NLK: variants seen among roughly 807,000 people sequenced by gnomAD.
NLK encodes serine/threonine-protein kinase NLK.
Under a neutral mutation model 59.0 loss-of-function variants are expected in NLK, and 11 were observed. The ratio of observed to expected loss-of-function variants is 0.19; its 90% CI spans 0.12 to 0.31. The LOEUF (loss-of-function observed/expected upper bound fraction) is 0.31, where lower values mean the gene tolerates loss of function less well. Ranked by LOEUF, NLK falls within the 10% of genes least tolerant of loss-of-function variation. The pLI is 1.00. For synonymous variants in NLK, 235 were observed against 235.9 expected, an observed-to-expected ratio of 1.00 and a Z score of 0.03; for missense variants, 410 against 661.1, an observed-to-expected ratio of 0.62 and a Z score of 4.16.
chr17:28,132,748 G>T, intron 3 of NLK, 73 bp downstream of exon 3: 1 of 1,231,768 alleles, frequency 8.1e-7, no homozygotes, highest in Non-Finnish European at 1.2e-6. Flanking sequence ...ACCTTTTGGG[G>T]TTCATGCCTT....
intron 1 of NLK, among the ~76,000 whole-genome samples, chr17:28,122,391 C>G (rs1906103934): frequency 6.6e-6 from 1 of 151,328 alleles, no homozygotes; most frequent in Non-Finnish European, 1.5e-5. Context: ...TTTTTTAAAG[C>G]ATGGCAGATG....
At chr17:28,107,774 T>C (rs1434973132) in intron 1 of NLK, among the ~76,000 whole-genome samples, 2 of 152,198 alleles carry the variant, frequency 1.3e-5, no homozygotes, top group African/African-American at 4.8e-5. Flanking sequence ...ACAATGTTCA[T>C]TGATCTGGGA....
At chr17:28,159,400 T>C (rs921520524) in intron 3 of NLK, among the ~76,000 whole-genome samples, 3 of 152,284 alleles carry the variant, frequency 2.0e-5, no homozygotes, top group South Asian at 2.1e-4. Context: ...AAAGCAAATA[T>C]AGCAAAATAT....
chr17:28,161,080 GTTATTTT>G, intron 3 of NLK, 73 bp from the exon 4 acceptor site: 1 of 761,964 alleles, frequency 1.3e-6, no homozygotes, highest in East Asian at 2.5e-5. Context: ...GAGAATGGAA[GTTATTTT>G]TTAGATCTGG....
chr17:28,200,731 G>A (rs971948709), downstream of NLK, among the ~76,000 whole-genome samples: 4 of 152,216 alleles, frequency 2.6e-5, no homozygotes, highest in Admixed American at 6.5e-5. Flanking sequence ...TGATCCACCC[G>A]CCTTGGCCTC....
intron 1 of NLK, chr17:28,048,772 T>C (rs1192635251): frequency 6.6e-6 from 1 of 152,230 alleles, no homozygotes; most frequent in Admixed American, 6.5e-5. Context: ...TTAGATTTAT[T>C]GATGTCCAAG....
chr17:28,083,922 C>T (rs527943804), intron 1 of NLK, among the ~76,000 whole-genome samples: 1 of 152,206 alleles, frequency 6.6e-6, no homozygotes, highest in Admixed American at 6.5e-5. Context: ...TCCTCAAAAT[C>T]TCACCCCACT....
At chr17:28,061,761 C>T (rs1388211678) in intron 1 of NLK, among the ~76,000 whole-genome samples, 4 of 143,746 alleles carry the variant, frequency 2.8e-5, no homozygotes, top group Admixed American at 7.1e-5. Flanking sequence ...CATATATACA[C>T]ATATACATAT....
At chr17:28,178,654 C>A (rs1908778762) in intron 7 of NLK, among the ~76,000 whole-genome samples, 1 of 152,044 alleles carries the variant, frequency 6.6e-6, no homozygotes, top group African/African-American at 2.4e-5. Flanking sequence ...AATATTTTTG[C>A]GAAGTGAAGA....
chr17:28,114,474 T>C (rs1444854060), intron 1 of NLK, among the ~76,000 whole-genome samples: 1 of 152,192 alleles, frequency 6.6e-6, no homozygotes, highest in East Asian at 1.9e-4. Flanking sequence ...CTTTGTTCCT[T>C]ATAAGTGTTG....
chr17:28,056,853 C>T (rs1271194119), intron 1 of NLK, among the ~76,000 whole-genome samples: 1 of 151,702 alleles, frequency 6.6e-6, no homozygotes, highest in Non-Finnish European at 1.5e-5. Flanking sequence ...AAGTTTTAAA[C>T]CTCAGGAAAT....
chr17:28,097,125 A>G (rs753098396), intron 1 of NLK, among the ~76,000 whole-genome samples: 1 of 152,198 alleles, frequency 6.6e-6, no homozygotes, highest in Non-Finnish European at 1.5e-5. Flanking sequence ...TTTGTTTGGG[A>G]TATAACTTAA....
chr17:28,109,773 A>T (rs766177311), intron 1 of NLK, among the ~76,000 whole-genome samples: 8 of 152,244 alleles, frequency 5.3e-5, no homozygotes, highest in Non-Finnish European at 1.0e-4. Flanking sequence ...TATTATGAAT[A>T]ATGCTGCTAT....
chr17:28,199,745 G>GA (rs942860682), downstream of NLK, among the ~76,000 whole-genome samples: 3 of 116,876 alleles, frequency 2.6e-5, no homozygotes, highest in Non-Finnish European at 5.6e-5. Context: ...CCACTAAAAA[G>GA]AAAAAAAAGT....
At chr17:28,074,630 C>T (rs1447495105) in intron 1 of NLK, among the ~76,000 whole-genome samples, 1 of 151,848 alleles carries the variant, frequency 6.6e-6, no homozygotes, top group Admixed American at 6.6e-5. Flanking sequence ...TATTTTTTTA[C>T]GAAAAGAGAT....
chr17:28,133,843 AG>A (rs1906621727), intron 3 of NLK, among the ~76,000 whole-genome samples: 1 of 152,158 alleles, frequency 6.6e-6, no homozygotes, highest in East Asian at 1.9e-4. Flanking sequence ...ATTCTTACAC[AG>A]GGGGTTGGTA....
chr17:28,059,262 C>T (rs1247223063), intron 1 of NLK, among the ~76,000 whole-genome samples: 2 of 151,862 alleles, frequency 1.3e-5, no homozygotes, highest in Non-Finnish European at 2.9e-5. Flanking sequence ...AGACCCAACC[C>T]GATGGTATTG....
At chr17:28,158,651 A>T (rs1446389469) in intron 3 of NLK, among the ~76,000 whole-genome samples, 1 of 151,714 alleles carries the variant, frequency 6.6e-6, no homozygotes, top group African/African-American at 2.4e-5. Context: ...TTATTTATTT[A>T]TTTTTTCTCA....
At chr17:28,151,855 G>A (rs531158986) in intron 3 of NLK, among the ~76,000 whole-genome samples, 7 of 152,320 alleles carry the variant, frequency 4.6e-5, no homozygotes, top group African/African-American at 1.4e-4. Context: ...CATAAGTGAT[G>A]TAGTCATTTG....
Sources: allele counts gnomAD v4.1 joint callset (sites outside exome capture counted in the v4.1 genomes callset), GRCh38; gene constraint gnomAD v4.1.1; transcripts MANE v1.5; gene names NCBI Gene and HGNC (gene_info 2026-07-23, HGNC 2026-07-21).